Variants in FKTN observed in about 807,000 individuals in gnomAD.
FKTN encodes ribitol-5-phosphate transferase FKTN.
A neutral mutation model predicts 58.6 loss-of-function variants in FKTN; 47 were observed. The ratio of observed to expected loss-of-function variants is 0.80; its 90% CI spans 0.63 to 1.02. FKTN has a LOEUF of 1.02. FKTN is among the 50% of genes least tolerant of loss of function. The pLI is 0.00. For missense variants in FKTN, 516 were observed against 537.3 expected, an observed-to-expected ratio of 0.96 and a Z score of 0.39; for synonymous variants, 178 against 191.9, an observed-to-expected ratio of 0.93 and a Z score of 0.60.
Position 105,620,041 on chromosome 9 carries a change from C to T in FKTN, c.1152C>T (p.Ala384=). 6.2e-7 allele frequency: 1 copy of T among 1,610,938 alleles called. No individual in the cohort carries two copies. The change falls in exon 10 of 11, where the codon GCC becomes GCT. Residue 384 remains alanine (A), a synonymous_variant. Coordinates refer to ENST00000357998, the MANE Select transcript of FKTN (RefSeq NM_001079802.2). ...ACATGTGGAATGGAGGCACTCAGGCCAAAACAGGAAAAAAATTCAAGTATG... is the reference window on the plus strand; with the variant it reads ...ACATGTGGAATGGAGGCACTCAGGCTAAAACAGGAAAAAAATTCAAGTATG... ...TDHMWNGGTQ[A]KTGKKFKYLF...
In FKTN at chr9:105,637,181, C is replaced by T; in HGVS notation, c.*1917C>T. The stretch of plus-strand genomic sequence containing the variant: ...CACCCTACTTGATGAGGACCATTTG[C>T]TTGTGCTCAGTATTTAGAAATGCAT... On this transcript the variant is annotated 3_prime_UTR_variant, in exon 11 of 11. Transcript: ENST00000357998. The T allele has an allele frequency of 1.0e-6, 1 of 984,584 alleles. No individual in the cohort carries two copies. The highest frequency in any genetic ancestry group is 1.2e-6 in the Non-Finnish European group (1 of 828,494). The allele number at this position is 984,584 out of a possible 1,614,324, so 61.0% of individuals were successfully genotyped here.
At chr9:105,612,959 C>T (rs910867993) in intron 7 of FKTN, among the ~76,000 whole-genome samples, 14 of 151,252 alleles carry the variant, frequency 9.3e-5, no homozygotes, top group Non-Finnish European at 1.3e-4. Flanking sequence ...AGAGAGGAGA[C>T]TTTGTCTCCA....
At chr9:105,618,151 A>C in intron 9 of FKTN, 59 bp downstream of exon 9, 1 of 1,359,232 alleles carries the variant, frequency 7.4e-7, no homozygotes. Flanking sequence ...TAAAGTTTAC[A>C]TTAAGCAACT....
intron 10 of FKTN, among the ~76,000 whole-genome samples, chr9:105,634,334 A>T (rs1279121988): frequency 6.6e-6 from 1 of 151,932 alleles, no homozygotes. Flanking sequence ...GGGTTTCGTC[A>T]TGTTGGCCGG....
At chr9:105,558,486 T>C (rs1837618069) in intron 1 of FKTN, among the ~76,000 whole-genome samples, 1 of 152,144 alleles carries the variant, frequency 6.6e-6, no homozygotes, top group Non-Finnish European at 1.5e-5. Context: ...GTTAGGGTAG[T>C]GACCCCTGAC....
At chr9:105,585,637 T>C (rs1843770218) in intron 3 of FKTN, among the ~76,000 whole-genome samples, 3 of 152,202 alleles carry the variant, frequency 2.0e-5, no homozygotes, top group Admixed American at 1.3e-4. Flanking sequence ...AGTTTTCTAA[T>C]GGTTTTCTTC....
chr9:105,565,604 T>C (rs200357587), intron 1 of FKTN, among the ~76,000 whole-genome samples: 17,816 of 149,538 alleles, frequency 0.12, 1,465 homozygotes, highest in East Asian at 0.45. Context: ...GCTAACTGTC[T>C]TAAATATATA....
At position 105,639,339 on chromosome 9, in the gene FKTN, A is replaced by T; in HGVS notation, c.*4075A>T. ...CAATGTGTTGCCATAAAAAGACCAC[A>T]AGCTTTTGAGTTAGGCCTGAATTTG... On this transcript the variant is annotated 3_prime_UTR_variant, in exon 11 of 11. Coordinates refer to ENST00000357998, the MANE Select transcript of FKTN (RefSeq NM_001079802.2). 1.0e-6 allele frequency: 1 copy of T among 954,492 alleles called. No individual in the cohort carries two copies. The highest frequency in any genetic ancestry group is 1.2e-6 in the Non-Finnish European group (1 of 801,826). The allele number at this position is 954,492 out of a possible 1,614,324, so 59.1% of individuals were successfully genotyped here. A position where few individuals can be genotyped will look rare whatever the true frequency, so the allele number is the denominator to read the frequency against.
intron 10 of FKTN, among the ~76,000 whole-genome samples, chr9:105,630,417 A>G (rs1241472782): frequency 6.6e-6 from 1 of 152,206 alleles, no homozygotes; most frequent in Non-Finnish European, 1.5e-5. Context: ...ACAGTGAATT[A>G]GTAATCCGAA....
rs1834103919 is a variant in FKTN, at chr9:105,637,213, C to A, written c.*1949C>A. On this transcript the variant is annotated 3_prime_UTR_variant, in exon 11 of 11. Transcript: ENST00000357998. Reference sequence around the variant, plus strand: ...TCAGTATTTAGAAATGCATACACTCCACATTTCTCCCCATTTCCAATTGGG... The same window carrying A: ...TCAGTATTTAGAAATGCATACACTCAACATTTCTCCCCATTTCCAATTGGG... 3.1e-6 allele frequency: 3 copies of A among 983,516 alleles called. No individual in the cohort carries two copies. 60.9% of individuals were successfully genotyped at this position (983,516 alleles called of 1,614,324 possible).
intron 10 of FKTN, among the ~76,000 whole-genome samples, chr9:105,630,622 A>T (rs531852241): frequency 4.6e-5 from 7 of 152,310 alleles, no homozygotes; most frequent in East Asian, 1.9e-4. Flanking sequence ...ACCAAAAAAA[A>T]TTTTTTAAGG....
At position 105,576,280 on chromosome 9, in the gene FKTN, T is replaced by G. The variant is rs528970877; in HGVS notation, c.105+1143T>G. 6.6e-5 allele frequency among the ~76,000 whole-genome samples: 10 copies of G among 152,142 alleles called. No individual in the cohort carries two copies. The South Asian group carries it at 1.9e-3, about 29-fold the overall frequency. ...GTGCTGCACCCACTAACTCGTCATCTAGCATTAGGTATATCTCCCAATGCT... is the reference window on the plus strand; with the variant it reads ...GTGCTGCACCCACTAACTCGTCATCGAGCATTAGGTATATCTCCCAATGCT... On this transcript the variant is annotated intron_variant, in intron 3 of 10. Transcript: ENST00000357998.
intron 3 of FKTN, among the ~76,000 whole-genome samples, chr9:105,580,960 G>A (rs1234862556): frequency 2.4e-5 from 3 of 125,600 alleles, no homozygotes; most frequent in African/African-American, 6.8e-5. Flanking sequence ...TGATCGCATC[G>A]GCTCCTGAGG....
chr9:105,578,226 G>C (rs1842130933), intron 3 of FKTN, among the ~76,000 whole-genome samples: 1 of 149,988 alleles, frequency 6.7e-6, no homozygotes, highest in Non-Finnish European at 1.5e-5. Flanking sequence ...AGTGGTGAGA[G>C]AGGACATCCC....
intron 6 of FKTN, among the ~76,000 whole-genome samples, chr9:105,604,748 A>G (rs1828556306): frequency 6.6e-6 from 1 of 152,146 alleles, no homozygotes; most frequent in Non-Finnish European, 1.5e-5. Flanking sequence ...TGAGGTCAGG[A>G]GTTCGAGACC....
Position 105,560,193 on chromosome 9 carries a change from C to T in FKTN, c.-181+2028C>T, listed in dbSNP as rs140288288. On this transcript the variant is annotated intron_variant, in intron 1 of 10. Transcript: ENST00000357998. ...AGCACTGCTGGTTCTAGGGATATAA[C>T]GACGAGCAAGGTAGACATTGTTCTT... Among the ~76,000 whole-genome samples, 577 of 152,236 alleles carry T rather than the reference C, an allele frequency of 3.8e-3. 2 individuals carry two copies. The highest frequency in any genetic ancestry group is 0.01 in the Middle Eastern group (3 of 294).
intron 2 of FKTN, 178 bp from the exon 3 acceptor site, chr9:105,574,767 T>C (rs1841369621): frequency 2.9e-6 from 1 of 343,248 alleles, no homozygotes; most frequent in Non-Finnish European, 5.3e-6. Context: ...AAAGTGATAA[T>C]AAACATTTTT....
intron 10 of FKTN, among the ~76,000 whole-genome samples, chr9:105,625,874 A>G (rs1459219820): frequency 6.6e-6 from 1 of 151,978 alleles, no homozygotes; most frequent in African/African-American, 2.4e-5. Context: ...CCAGAAACCC[A>G]TATCATTTTC....
chr9:105,601,145 C>G lies in FKTN; in HGVS notation c.166C>G (p.Arg56Gly). The G allele has an allele frequency of 6.4e-7, 1 of 1,559,976 alleles. No individual in the cohort carries two copies. Among genetic ancestry groups the G allele is most frequent in the South Asian group, 1.1e-5 (1 of 89,560 alleles). The change falls in exon 5 of 11, where the codon CGT becomes GGT. Residue 56 changes from arginine (R) to glycine (G), a missense_variant and splice_region_variant. Coordinates refer to ENST00000357998, the MANE Select transcript of FKTN (RefSeq NM_001079802.2). ...SRIGFDSTQW[R>G]AVKKFIMLTS... Reference sequence around the variant, plus strand: ...CGAGAATTCTTTTTCTCTCAAACAGCGTGCAGTTAAAAAATTTATTATGTT... The same window carrying G: ...CGAGAATTCTTTTTCTCTCAAACAGGGTGCAGTTAAAAAATTTATTATGTT...
Sources: allele counts gnomAD v4.1 joint callset (sites outside exome capture counted in the v4.1 genomes callset), GRCh38; gene constraint gnomAD v4.1.1; transcripts MANE v1.5; gene names NCBI Gene and HGNC (gene_info 2026-07-23, HGNC 2026-07-21).